TRPC5: variants seen among roughly 807,000 people sequenced by gnomAD.
The protein encoded by TRPC5 is short transient receptor potential channel 5.
TRPC5 carries 9 observed loss-of-function variants against 56.5 expected under a neutral mutation model. The observed-to-expected ratio is 0.16, with a 90% CI of 0.10 to 0.28. The LOEUF is 0.28. TRPC5 is among the 10% of genes least tolerant of loss of function. The pLI is 1.00. For synonymous variants in TRPC5, 282 were observed against 278.5 expected, an observed-to-expected ratio of 1.01 and a Z score of -0.13; for missense variants, 469 against 748.9, an observed-to-expected ratio of 0.63 and a Z score of 4.36.
At chrX:111,904,933 T>G (rs1268629781) in intron 3 of TRPC5, among the ~76,000 whole-genome samples, 1 of 111,236 alleles carries the variant, frequency 9.0e-6, no homozygotes, top group Admixed American at 9.6e-5. Context: ...AAGTTAGAGT[T>G]TGGAATCAGC....
At chrX:112,022,327 G>A (rs893101237) in intron 1 of TRPC5, among the ~76,000 whole-genome samples, 3 of 112,089 alleles carry the variant, frequency 2.7e-5, no homozygotes, top group Non-Finnish European at 5.6e-5. Flanking sequence ...TGGTTGAAAC[G>A]AAAAGCTGAT....
intron 7 of TRPC5, among the ~76,000 whole-genome samples, chrX:111,794,257 G>A (rs1288001243): frequency 9.0e-6 from 1 of 111,681 alleles, no homozygotes; most frequent in African/African-American, 3.2e-5. Flanking sequence ...GGGGATATTT[G>A]TGTGAGTCTA....
intron 7 of TRPC5, among the ~76,000 whole-genome samples, chrX:111,825,401 A>G (rs1849428528): frequency 9.3e-6 from 1 of 107,618 alleles, no homozygotes; most frequent in African/African-American, 3.4e-5. Flanking sequence ...ACAGGTACGC[A>G]CCACCATACC....
intron 1 of TRPC5, among the ~76,000 whole-genome samples, chrX:112,014,798 C>T (rs1220302812): frequency 9.0e-6 from 1 of 111,539 alleles, no homozygotes; most frequent in Admixed American, 9.6e-5. Flanking sequence ...GACATCCTCC[C>T]CTATATTTCT....
rs1432341841 is a variant in TRPC5 at position 111,769,774 on chromosome X, G to T, written c.*6539C>A. On this transcript the variant is annotated 3_prime_UTR_variant, in exon 11 of 11. Coordinates refer to ENST00000262839, the MANE Select transcript of TRPC5 (RefSeq NM_012471.3). ...TAGCACTTGAAAATGTTTTTTGTTT[G>T]TTCGTTTGTTTGTTTTTAACCAGAG... Among the ~76,000 whole-genome samples the T allele has an allele frequency of 9.0e-6, 1 of 111,702 alleles. No homozygotes were observed. Among genetic ancestry groups the T allele is most frequent in the African/African-American group, 3.2e-5 (1 of 30,801 alleles).
intron 1 of TRPC5, among the ~76,000 whole-genome samples, chrX:112,033,128 C>T (rs1334054115): frequency 3.0e-5 from 3 of 101,590 alleles, no homozygotes; most frequent in Admixed American, 1.1e-4. Context: ...GACAGAAAAC[C>T]AAACACCGCA....
At chrX:111,882,033 C>G (rs981086404) in intron 3 of TRPC5, 2 of 105,570 alleles carry the variant, frequency 1.9e-5, no homozygotes, top group African/African-American at 3.5e-5. Flanking sequence ...AAGAAGATCT[C>G]TCTTCTAAAC....
At chrX:111,835,317 A>G (rs987087844) in intron 6 of TRPC5, among the ~76,000 whole-genome samples, 2 of 112,269 alleles carry the variant, frequency 1.8e-5, no homozygotes, top group Non-Finnish European at 3.8e-5. Flanking sequence ...TCTATGTCTT[A>G]TGCTTTGCTT....
rs1926585368 is a variant in TRPC5, at chrX:111,936,549, GTGTTCTCATTGTTCAA to G, written c.378+15478_378+15493del. ...GTGATGTTCCCTTTCCTGTGTCCATGTGTTCTCATTGTTCAATTCCCACCTATGAGTGAGAATATGC... is the reference window on the plus strand; with the variant it reads ...GTGATGTTCCCTTTCCTGTGTCCATGTTCCCACCTATGAGTGAGAATATGC... On this transcript the variant is annotated intron_variant, in intron 2 of 10. Transcript: ENST00000262839. Among the ~76,000 whole-genome samples the G allele has an allele frequency of 2.8e-5, 3 of 108,157 alleles. No individual in the cohort carries two copies. The East Asian group carries it at 8.7e-4, about 31-fold the overall frequency. The allele number at this position is 108,157 out of a possible 115,157, so 93.9% of individuals were successfully genotyped here.
At chrX:111,859,794 G>C (rs1322025638) in intron 3 of TRPC5, among the ~76,000 whole-genome samples, 1 of 112,172 alleles carries the variant, frequency 8.9e-6, no homozygotes, top group African/African-American at 3.2e-5. Flanking sequence ...CCTTGGTAAA[G>C]TAACCAGTTT....
At chrX:112,004,717 G>T (rs957273877) in intron 1 of TRPC5, among the ~76,000 whole-genome samples, 1 of 111,548 alleles carries the variant, frequency 9.0e-6, no homozygotes, top group Non-Finnish European at 1.9e-5. Flanking sequence ...AGTAGTGGGG[G>T]TATTCTAAGT....
At position 112,048,904 on chromosome X, in the gene TRPC5, C is replaced by T. The variant is rs756940234; in HGVS notation, c.-22+32975G>A. On this transcript the variant is annotated intron_variant, in intron 1 of 10. Transcript: ENST00000262839. ...TGGAAGCAAGAGGGCAACCTCATCCCGCCTCTCCAACAGCAGAATGCTCAG... is the reference window on the plus strand; with the variant it reads ...TGGAAGCAAGAGGGCAACCTCATCCTGCCTCTCCAACAGCAGAATGCTCAG... 8.0e-5 allele frequency among the ~76,000 whole-genome samples: 9 copies of T among 111,984 alleles called. No individual in the cohort carries two copies. The East Asian group carries it at 2.0e-3, about 25-fold the overall frequency.
chrX:111,922,191 T>A (rs1275185472), intron 2 of TRPC5, among the ~76,000 whole-genome samples: 1 of 111,938 alleles, frequency 8.9e-6, no homozygotes, highest in Admixed American at 9.5e-5. Flanking sequence ...ATCGTTACCC[T>A]TGGTGGAGTT....
At chrX:111,853,666 T>TG (rs1223268739) in intron 4 of TRPC5, 104 bp downstream of exon 4, 2 of 749,508 alleles carry the variant, frequency 2.7e-6, no homozygotes, top group Non-Finnish European at 4.0e-6. Flanking sequence ...GGGGGTGGGG[T>TG]GGGGGTGCCC....
chrX:111,770,903 T>C lies in TRPC5; in HGVS notation c.*5410A>G, dbSNP rs1025794190. Among the ~76,000 whole-genome samples, 1 of 112,361 alleles carries C rather than the reference T, an allele frequency of 8.9e-6. No individual in the cohort carries two copies. The highest frequency in any genetic ancestry group is 9.5e-5 in the Admixed American group (1 of 10,545). On this transcript the variant is annotated 3_prime_UTR_variant, in exon 11 of 11. Transcript: ENST00000262839. ...TAAATAAAAGGCACACTGCCACATA[T>C]TCATTCAAGTGCCACTAAGGACAGT...
intron 1 of TRPC5, 146 bp from the exon 2 acceptor site, chrX:111,952,587 T>C (rs1197699402): frequency 5.0e-6 from 3 of 601,834 alleles, no homozygotes; most frequent in South Asian, 4.3e-5. Flanking sequence ...CAAAGAAGTA[T>C]AACAGAAAAA....
intron 7 of TRPC5, among the ~76,000 whole-genome samples, chrX:111,797,800 T>C (rs760999112): frequency 8.9e-6 from 1 of 111,887 alleles, no homozygotes; most frequent in East Asian, 2.8e-4. Context: ...CTGTGTTTTC[T>C]TTTATGAGTT....
chrX:111,778,978 A>C lies in TRPC5; in HGVS notation c.2232+7T>G, dbSNP rs1945899674. The C allele has an allele frequency of 8.6e-7, 1 of 1,156,737 alleles. No homozygotes were observed. The highest frequency in any genetic ancestry group is 2.3e-5 in the Admixed American group (1 of 43,396). On this transcript the variant is annotated splice_region_variant and intron_variant, in intron 10 of 10. Coordinates refer to ENST00000262839, the MANE Select transcript of TRPC5 (RefSeq NM_012471.3). Reference sequence around the variant, plus strand: ...TAAAATGAAAAACCACTTCATGATTAAATTACCTTAAAATTTTCTTCTGTA... The same window carrying C: ...TAAAATGAAAAACCACTTCATGATTCAATTACCTTAAAATTTTCTTCTGTA...
rs560753846 is a variant in TRPC5 at position 112,008,614 on chromosome X, A to T, written c.-21-56173T>A. ...GACTCTGTCTCAAAAAAAAAAAAAA[A>T]ATATAGAGAGAAGGTGACTTTTGAG... On this transcript the variant is annotated intron_variant, in intron 1 of 10. Coordinates refer to ENST00000262839, the MANE Select transcript of TRPC5 (RefSeq NM_012471.3). 3.1e-3 allele frequency among the ~76,000 whole-genome samples: 333 copies of T among 106,580 alleles called. 1 individual carries two copies. The highest frequency in any genetic ancestry group is 0.017 in the South Asian group (41 of 2,439). The allele number at this position is 106,580 out of a possible 115,157, so 92.6% of individuals were successfully genotyped here. A position where few individuals can be genotyped will look rare whatever the true frequency, so the allele number is the denominator to read the frequency against.
Sources: allele counts gnomAD v4.1 joint callset (sites outside exome capture counted in the v4.1 genomes callset), GRCh38; gene constraint gnomAD v4.1.1; transcripts MANE v1.5; gene names NCBI Gene and HGNC (gene_info 2026-07-23, HGNC 2026-07-21).